Variants in MRPL3 observed in about 807,000 individuals in gnomAD.
MRPL3 encodes mitochondrial ribosomal protein L3.
MRPL3 carries 43 observed loss-of-function variants against 44.3 expected under a neutral mutation model. The observed-to-expected ratio is 0.97, with a 90% CI of 0.76 to 1.25. The LOEUF (loss-of-function observed/expected upper bound fraction) is 1.25, where lower values mean the gene tolerates loss of function less well. Among genes scored for constraint, MRPL3 ranks in the 50% most tolerant of loss-of-function variants. The probability of loss-of-function intolerance (pLI) is 0.00; values close to 1 mark genes in which losing one functional copy is unlikely to be tolerated. For synonymous variants in MRPL3, 171 were observed against 152.3 expected (o/e 1.12, Z -0.91); for missense variants, 406 against 427.6 (o/e 0.95, Z 0.45).
At position 131,462,721 on chromosome 3, in the gene MRPL3, TG is replaced by T. The variant is rs1933517244; in HGVS notation, c.*1del. 6.2e-7 allele frequency: 1 copy of T among 1,610,412 alleles called. No individual in the cohort carries two copies. Among genetic ancestry groups the T allele is most frequent in the Non-Finnish European group, 8.5e-7 (1 of 1,177,844 alleles). On this transcript the variant is annotated 3_prime_UTR_variant, in exon 10 of 10. Coordinates refer to ENST00000264995, the MANE Select transcript of MRPL3 (RefSeq NM_007208.4). ...TGTAAGGTTCTGCCACGTCCAAAGA[TG>T]TTAGGCAAATGTAATAGAAGGCGCA... is the stretch of plus-strand genomic sequence containing the variant.
At position 131,462,661 on chromosome 3, in the gene MRPL3, T is replaced by A. The variant is rs1260617076; in HGVS notation, c.*62A>T. 1 of 1,461,696 alleles carries A rather than the reference T, an allele frequency of 6.8e-7. No individual in the cohort carries two copies. The highest frequency in any genetic ancestry group is 2.3e-5 in the East Asian group (1 of 42,802). The allele number at this position is 1,461,696 out of a possible 1,614,324, so 90.5% of individuals were successfully genotyped here. On this transcript the variant is annotated 3_prime_UTR_variant, in exon 10 of 10. Transcript: ENST00000264995. ...AGGAGAGTATGATTTCTGGTGGTTA[T>A]GATATCACTCTGGCTCATCGAAGCT... is the stretch of plus-strand genomic sequence containing the variant.
intron 9 of MRPL3, among the ~76,000 whole-genome samples, chr3:131,463,173 TTAC>T (rs915360804): frequency 6.6e-6 from 1 of 152,176 alleles, no homozygotes; most frequent in African/African-American, 2.4e-5. Context: ...CATTCTAAAA[TTAC>T]TACTTGAATT....
At chr3:131,471,482 C>G in intron 6 of MRPL3, 1 of 515,412 alleles carries the variant, frequency 1.9e-6, no homozygotes, top group Non-Finnish European at 3.4e-6. Flanking sequence ...TTCCTGGAGT[C>G]TAATTCTATA....
At chr3:131,464,398 G>A (rs1933556071) in intron 9 of MRPL3, among the ~76,000 whole-genome samples, 1 of 152,060 alleles carries the variant, frequency 6.6e-6, no homozygotes. Flanking sequence ...TTGTCTTAGT[G>A]GTGCAAAAGT....
In MRPL3 at chr3:131,474,126, T is replaced by C. The variant is rs190517587; in HGVS notation, c.630-2847A>G. 8.5e-5 allele frequency among the ~76,000 whole-genome samples: 13 copies of C among 152,200 alleles called. No homozygotes were observed. The East Asian group carries it at 1.5e-3, about 18-fold the overall frequency. On this transcript the variant is annotated intron_variant, in intron 6 of 9. Coordinates refer to ENST00000264995, the MANE Select transcript of MRPL3 (RefSeq NM_007208.4). ...TGTATTTATTGAGCACCATTCACAA[T>C]AGCCAAGATACAGAATCAACCTAAG...
At chr3:131,474,825 G>A (rs926439469) in intron 6 of MRPL3, among the ~76,000 whole-genome samples, 1 of 148,230 alleles carries the variant, frequency 6.7e-6, no homozygotes, top group Non-Finnish European at 1.5e-5. Flanking sequence ...ACGCTGGAGT[G>A]CAGTGGTACA....
At chr3:131,471,480 G>A (rs978524676) in intron 6 of MRPL3, 1 of 516,852 alleles carries the variant, frequency 1.9e-6, no homozygotes, top group Non-Finnish European at 3.4e-6. Context: ...CCTTCCTGGA[G>A]TCTAATTCTA....
At chr3:131,485,273 T>C (rs1406535618) in intron 6 of MRPL3, among the ~76,000 whole-genome samples, 1 of 152,162 alleles carries the variant, frequency 6.6e-6, no homozygotes, top group Non-Finnish European at 1.5e-5. Flanking sequence ...TCACTGAAGA[T>C]AGGCATTTGA....
Position 131,501,976 on chromosome 3 carries a change from A to C in MRPL3, c.93-261T>G, listed in dbSNP as rs79180480. 0.016 allele frequency: 22,598 copies of C among 1,438,484 alleles called. 244 individuals are homozygous for C. The highest frequency in any genetic ancestry group is 0.019 in the Non-Finnish European group (20,114 of 1,061,700). The allele number at this position is 1,438,484 out of a possible 1,614,324, so 89.1% of individuals were successfully genotyped here. A position where few individuals can be genotyped will look rare whatever the true frequency, so the allele number is the denominator to read the frequency against. ...CGCAGATAAACATATTCCCCAAAAA[A>C]CAGTCCTACCTATAGACATGAAAAG... is the stretch of plus-strand genomic sequence containing the variant. On this transcript the variant is annotated intron_variant, in intron 1 of 9. Transcript: ENST00000264995.
chr3:131,487,566 G>T, intron 6 of MRPL3, 114 bp downstream of exon 6: 1 of 838,012 alleles, frequency 1.2e-6, no homozygotes, highest in Non-Finnish European at 1.9e-6. Flanking sequence ...TTCAGAATGA[G>T]AAATATATTT....
chr3:131,488,434 C>G (rs946588551), intron 5 of MRPL3, among the ~76,000 whole-genome samples: 2 of 152,076 alleles, frequency 1.3e-5, no homozygotes, highest in African/African-American at 2.4e-5. Context: ...TGTGATGAAT[C>G]AAAGCCCTTC....
intron 3 of MRPL3, among the ~76,000 whole-genome samples, 155 bp from the exon 4 acceptor site, chr3:131,498,432 T>TA (rs112443137): frequency 8.2e-5 from 12 of 145,562 alleles, no homozygotes; most frequent in South Asian, 4.3e-4. Context: ...AAATATAAAT[T>TA]AAAAAAAAAA....
intron 8 of MRPL3, 31 bp downstream of exon 8, chr3:131,469,665 G>A: frequency 6.7e-7 from 1 of 1,486,874 alleles, no homozygotes; most frequent in Non-Finnish European, 9.3e-7. Flanking sequence ...CAATTTAGCT[G>A]TTCCTAAAAA....
chr3:131,498,121 A>G (rs1373849339), intron 4 of MRPL3, 58 bp downstream of exon 4: 4 of 1,176,474 alleles, frequency 3.4e-6, no homozygotes, highest in Middle Eastern at 1.9e-4. Context: ...ACATAAACTC[A>G]TCCAGATTTG....
intron 4 of MRPL3, among the ~76,000 whole-genome samples, chr3:131,497,782 A>G (rs1040475044): frequency 2.6e-5 from 4 of 152,214 alleles, no homozygotes; most frequent in African/African-American, 9.6e-5. Flanking sequence ...AATTTTCCAT[A>G]GGAAGAAAGT....
In MRPL3 at chr3:131,471,228, C is replaced by G; in HGVS notation, c.681G>C (p.Gln227His). Residue 227 changes from glutamine to histidine, a missense_variant, in exon 7 of 10, where the codon CAG (glutamine) becomes CAC (histidine). Physicochemically the swap from Gln to His is conservative, Grantham distance 24 (BLOSUM62 0). Coordinates refer to ENST00000264995, the MANE Select transcript of MRPL3 (RefSeq NM_007208.4). ...TTTTCGTTTGACCATGCGTAGCAGG[C>G]TGGCCTTTAAATCCCCATCTTTTCA... is the stretch of plus-strand genomic sequence containing the variant. ...GVMKRWGFKG[Q>H]PATHGQTKTH... 6.2e-7 allele frequency: 1 copy of G among 1,613,476 alleles called. No individual in the cohort carries two copies. The highest frequency in any genetic ancestry group is 8.5e-7 in the Non-Finnish European group (1 of 1,179,558).
intron 6 of MRPL3, chr3:131,479,229 T>C (rs1212076910): frequency 3.9e-6 from 2 of 512,888 alleles, no homozygotes; most frequent in South Asian, 1.4e-5. Flanking sequence ...TCTACGAGTA[T>C]GCCCTCCAAA....
At chr3:131,501,757 A>G (rs1209478637) in intron 1 of MRPL3, 42 bp from the exon 2 acceptor site, 1 of 1,590,948 alleles carries the variant, frequency 6.3e-7, no homozygotes, top group Admixed American at 1.8e-5. Flanking sequence ...CACAATTTAA[A>G]AACTTCCTCC....
chr3:131,483,450 T>C (rs559639703), intron 6 of MRPL3, among the ~76,000 whole-genome samples: 6 of 152,314 alleles, frequency 3.9e-5, no homozygotes, highest in Admixed American at 1.3e-4. Context: ...ATAAAATTTG[T>C]CTTCTATCAT....
Sources: gnomAD v4.1 joint callset for allele counts (sites outside exome capture counted in the v4.1 genomes callset) on GRCh38, gnomAD v4.1.1 for gene constraint, MANE v1.5 for transcripts, NCBI Gene and HGNC (gene_info 2026-07-23, HGNC 2026-07-21) for gene names.